CASK: variants seen among roughly 807,000 people sequenced by gnomAD.
The protein encoded by CASK is calcium/calmodulin dependent serine protein kinase.
Under a neutral mutation model 82.9 loss-of-function variants are expected in CASK, and 4 were observed. The observed-to-expected ratio is 0.05, with a 90% confidence interval of 0.02 to 0.11. The LOEUF (loss-of-function observed/expected upper bound fraction) is 0.11. CASK is among the 10% of genes least tolerant of loss of function. The pLI is 1.00. For missense variants in CASK, 358 were observed against 720.9 expected (o/e 0.50, Z 5.76); for synonymous variants, 259 against 253.5 (o/e 1.02, Z -0.20).
intron 5 of CASK, chrX:41,675,975 A>T: frequency 8.3e-7 from 1 of 1,208,259 alleles, no homozygotes; most frequent in South Asian, 1.8e-5. Flanking sequence ...AACACAGAGA[A>T]GTTAAGGGCC....
intron 12 of CASK, among the ~76,000 whole-genome samples, chrX:41,590,478 C>G (rs2065727014): frequency 1.1e-5 from 1 of 94,853 alleles, no homozygotes; most frequent in African/African-American, 3.9e-5. Flanking sequence ...CCATTGCACT[C>G]CAGCCTGGGC....
chrX:41,695,504 G>A lies in CASK; in HGVS notation c.430-23974C>T, dbSNP rs865951561. 1.0e-4 allele frequency: 48 copies of A among 476,324 alleles called. No homozygotes were observed. In the Middle Eastern group the frequency reaches 3.5e-3, roughly 34 times the overall value. The allele number at this position is 476,324 out of a possible 1,213,427, so 39.3% of individuals were successfully genotyped here. A position where few individuals can be genotyped will look rare whatever the true frequency, so the allele number is the denominator to read the frequency against. On this transcript the variant is annotated intron_variant, in intron 5 of 26. Coordinates refer to ENST00000378163, the MANE Select transcript of CASK (RefSeq NM_001367721.1). ...CCTATTATTTACACTTTTAGTTAAA[G>A]TAACTGTTATTAAAATAGCAAATGA...
chrX:41,652,368 G>A (rs2066877058), intron 8 of CASK, among the ~76,000 whole-genome samples: 1 of 112,045 alleles, frequency 8.9e-6, no homozygotes, highest in African/African-American at 3.2e-5. Flanking sequence ...AGCTCTCCAA[G>A]GGCCGGAGTG....
chrX:41,643,098 T>C (rs1201716409), intron 8 of CASK, among the ~76,000 whole-genome samples: 4 of 111,625 alleles, frequency 3.6e-5, no homozygotes, highest in Non-Finnish European at 5.6e-5. Context: ...TTCTGTTCCA[T>C]TGGTCTATAT....
chrX:41,639,114 G>A (rs983466960), intron 8 of CASK, among the ~76,000 whole-genome samples: 4 of 97,643 alleles, frequency 4.1e-5, no homozygotes, highest in African/African-American at 1.1e-4. Flanking sequence ...TCACTCTGTC[G>A]CCAGGCTGGA....
chrX:41,594,974 G>A (rs764937581), intron 12 of CASK, among the ~76,000 whole-genome samples: 1 of 111,612 alleles, frequency 9.0e-6, no homozygotes, highest in South Asian at 3.8e-4. Flanking sequence ...GACCAGACTC[G>A]GGTTCTCTGA....
At chrX:41,601,584 T>G (rs1171975915) in intron 12 of CASK, among the ~76,000 whole-genome samples, 4 of 111,638 alleles carry the variant, frequency 3.6e-5, no homozygotes, top group African/African-American at 1.3e-4. Flanking sequence ...TTTAATTTAG[T>G]GTAATGGCCC....
chrX:41,923,037 G>A lies in CASK; in HGVS notation c.-49C>T, dbSNP rs974789691. On this transcript the variant is annotated 5_prime_UTR_variant, in exon 1 of 27. Coordinates refer to ENST00000378163, the MANE Select transcript of CASK (RefSeq NM_001367721.1). Reference sequence around the variant, plus strand: ...AGCGTGGAGGGCTTCGAAAACGGGGGTGGGGGCGCCCAAGAGCTCAGTGCC... The same window carrying A: ...AGCGTGGAGGGCTTCGAAAACGGGGATGGGGGCGCCCAAGAGCTCAGTGCC... 10 of 1,125,386 alleles carry A rather than the reference G, an allele frequency of 8.9e-6. No homozygotes were observed. The highest frequency in any genetic ancestry group is 1.2e-5 in the Non-Finnish European group (10 of 819,418). The allele number at this position is 1,125,386 out of a possible 1,213,427, so 92.7% of individuals were successfully genotyped here.
chrX:41,563,525 A>G lies in CASK; in HGVS notation c.1583-1881T>C, dbSNP rs1226855670. Among the ~76,000 whole-genome samples the G allele has an allele frequency of 2.7e-5, 3 of 109,903 alleles. No individual in the cohort carries two copies. In the East Asian group the frequency reaches 8.4e-4, roughly 31 times the overall value. Reference sequence around the variant, plus strand: ...ATAATGAAGAGAATGAACCAAACCCAGAGTGGGTTTCTGAACAAACCTCTG... The same window carrying G: ...ATAATGAAGAGAATGAACCAAACCCGGAGTGGGTTTCTGAACAAACCTCTG... On this transcript the variant is annotated intron_variant, in intron 16 of 26. Transcript: ENST00000378163.
intron 2 of CASK, among the ~76,000 whole-genome samples, chrX:41,837,621 C>A (rs1290905375): frequency 1.8e-5 from 2 of 111,870 alleles, no homozygotes; most frequent in Non-Finnish European, 3.8e-5. Context: ...ATTTTTTTAA[C>A]GAAGTAGAAT....
At chrX:41,818,001 T>C (rs1472386720) in intron 2 of CASK, among the ~76,000 whole-genome samples, 2 of 111,030 alleles carry the variant, frequency 1.8e-5, no homozygotes, top group Non-Finnish European at 3.8e-5. Context: ...ACAGTGCTAG[T>C]ACTGTGTTAA....
chrX:41,751,856 C>A (rs1187021597), intron 3 of CASK, among the ~76,000 whole-genome samples: 2 of 109,865 alleles, frequency 1.8e-5, no homozygotes, highest in East Asian at 5.7e-4. Context: ...CCAGCCTGGG[C>A]AAAAGAGTGA....
chrX:41,843,989 T>G (rs2071099243), intron 2 of CASK, among the ~76,000 whole-genome samples: 1 of 111,973 alleles, frequency 8.9e-6, no homozygotes, highest in Non-Finnish European at 1.9e-5. Context: ...CTATGAACAT[T>G]CATATACAAG....
chrX:41,816,372 T>C (rs1246023887), intron 2 of CASK, among the ~76,000 whole-genome samples: 1 of 110,870 alleles, frequency 9.0e-6, no homozygotes, highest in Non-Finnish European at 1.9e-5. Context: ...ATAAAACAAG[T>C]AGGCAGAAAA....
intron 2 of CASK, among the ~76,000 whole-genome samples, chrX:41,812,970 A>G (rs2070329839): frequency 8.9e-6 from 1 of 111,820 alleles, no homozygotes; most frequent in Non-Finnish European, 1.9e-5. Context: ...GAGCCAAATC[A>G]TGAGTGAACT....
intron 1 of CASK, among the ~76,000 whole-genome samples, chrX:41,858,722 T>C (rs972899352): frequency 8.9e-6 from 1 of 111,942 alleles, no homozygotes; most frequent in South Asian, 3.7e-4. Context: ...CATACAATAG[T>C]AGTAATATTG....
At chrX:41,806,113 T>A (rs1328210888) in intron 2 of CASK, among the ~76,000 whole-genome samples, 1 of 111,758 alleles carries the variant, frequency 8.9e-6, no homozygotes, top group Non-Finnish European at 1.9e-5. Flanking sequence ...GTTATAATGA[T>A]AATGGTTGGA....
intron 22 of CASK, among the ~76,000 whole-genome samples, chrX:41,540,621 T>C (rs1450405069): frequency 8.9e-6 from 1 of 112,300 alleles, no homozygotes; most frequent in African/African-American, 3.2e-5. Context: ...CCTGGTCCTA[T>C]CTCCAGCTGC....
At chrX:41,555,826 A>T (rs1472414016) in intron 19 of CASK, 191 bp from the exon 20 acceptor site, 1 of 404,412 alleles carries the variant, frequency 2.5e-6, no homozygotes, top group African/African-American at 2.5e-5. Context: ...TTTAGCAGCA[A>T]GCTGAAGAAA....
Sources: gnomAD v4.1 joint callset for allele counts (sites outside exome capture counted in the v4.1 genomes callset) on GRCh38, gnomAD v4.1.1 for gene constraint, MANE v1.5 for transcripts, NCBI Gene and HGNC (gene_info 2026-07-23, HGNC 2026-07-21) for gene names.